SMARCA2: variants seen among roughly 807,000 people sequenced by gnomAD.
SMARCA2 encodes SWI/SNF related BAF chromatin remodeling complex subunit ATPase 2.
A neutral mutation model predicts 199.8 loss-of-function variants in SMARCA2; 61 were observed. The observed-to-expected ratio is 0.31, with a 90% CI of 0.25 to 0.38. The LOEUF is 0.38. Ranked by LOEUF, SMARCA2 falls within the 10% of genes least tolerant of loss-of-function variation. The pLI is 1.00. For missense variants in SMARCA2, 1,344 were observed against 2,012.2 expected, an observed-to-expected ratio of 0.67 and a Z score of 6.35; for synonymous variants, 935 against 732.0, an observed-to-expected ratio of 1.28 and a Z score of -4.48.
intron 15 of SMARCA2, 122 bp downstream of exon 15, chr9:2,082,117 A>C (rs1326434523): frequency 1.1e-5 from 9 of 796,296 alleles, no homozygotes; most frequent in Non-Finnish European, 1.8e-5. Flanking sequence ...AATCCAGATT[A>C]CCAAGAGCAT....
intron 15 of SMARCA2, among the ~76,000 whole-genome samples, chr9:2,082,252 C>G (rs1358893565): frequency 6.6e-6 from 1 of 151,560 alleles, no homozygotes; most frequent in Non-Finnish European, 1.5e-5. Flanking sequence ...AGCCTGAACA[C>G]TGCATAGTGA....
intron 29 of SMARCA2, among the ~76,000 whole-genome samples, chr9:2,173,597 C>T (rs534583754): frequency 5.3e-5 from 8 of 152,262 alleles, no homozygotes; most frequent in African/African-American, 7.2e-5. Flanking sequence ...GACAGTTTAT[C>T]GTGTAGAGTA....
In SMARCA2 at chr9:2,152,188, G is replaced by C. The variant is rs77561480; in HGVS notation, c.3982-9498G>C. Among the ~76,000 whole-genome samples the C allele has an allele frequency of 8.6e-3, 1,304 of 152,310 alleles. 4 individuals carry two copies. Among genetic ancestry groups the C allele is most frequent in the Non-Finnish European group, 0.013 (855 of 68,028 alleles). On this transcript the variant is annotated intron_variant, in intron 27 of 33. Transcript: ENST00000349721. ...ACCCCGAATCCCAAGATGGAGGCAGGTTTATGATGATCCTGGAATATTTCA... is the reference window on the plus strand; with the variant it reads ...ACCCCGAATCCCAAGATGGAGGCAGCTTTATGATGATCCTGGAATATTTCA...
intron 27 of SMARCA2, among the ~76,000 whole-genome samples, chr9:2,154,802 T>C (rs1430509054): frequency 6.6e-6 from 1 of 152,242 alleles, no homozygotes; most frequent in African/African-American, 2.4e-5. Context: ...ACTATATTAG[T>C]TTGTTACCCT....
chr9:2,148,683 A>T (rs1330897023), intron 27 of SMARCA2, among the ~76,000 whole-genome samples: 7 of 150,992 alleles, frequency 4.6e-5, no homozygotes, highest in Admixed American at 2.0e-4. Context: ...TAATTTTTTT[A>T]TTTTTTGTAG....
chr9:2,151,152 A>C (rs1472881936), intron 27 of SMARCA2, among the ~76,000 whole-genome samples: 6 of 151,438 alleles, frequency 4.0e-5, no homozygotes, highest in African/African-American at 1.5e-4. Context: ...TCAATAACTA[A>C]TCATATCACT....
At position 2,119,486 on chromosome 9, in the gene SMARCA2, C is replaced by T. The variant is rs773172570; in HGVS notation, c.3713C>T (p.Thr1238Ile). Residue 1238 changes from threonine (T) to isoleucine (I), a missense_variant, in exon 26 of 34, where the codon ACT becomes ATT. Physicochemically the swap from Thr to Ile is moderately conservative, Grantham distance 89. Coordinates refer to ENST00000349721, the MANE Select transcript of SMARCA2 (RefSeq NM_003070.5). This position sits in a 1 kb window ranked among gnomAD's most constrained non-coding sequence, Gnocchi z 4.6. ...EEEDEVPDDE[T>I]LNQMIARREE... ...GAAGATGAAGTACCGGACGATGAGA[C>T]TCTGAACCAAATGATTGCTCGACGA... The T allele has an allele frequency of 2.5e-6, 4 of 1,613,442 alleles. No homozygotes were observed. The highest frequency in any genetic ancestry group is 3.4e-6 in the Non-Finnish European group (4 of 1,179,500).
Position 2,081,891 on chromosome 9 carries a change from C to T in SMARCA2, c.2244C>T (p.Ala748=), listed in dbSNP as rs140551438. The T allele has an allele frequency of 5.3e-5, 85 of 1,613,944 alleles. 1 individual carries two copies. The highest frequency in any genetic ancestry group is 5.0e-4 in the Middle Eastern group (3 of 6,060). The part of the protein sequence containing the change: ...LYNNNLNGIL[A]DEMGLGKTIQ... ...ATAACAACTTGAACGGAATCTTAGC[C>T]GATGAAATGGGGCTTGGAAAGACCA... The change falls in exon 15 of 34, where the codon GCC becomes GCT. Residue 748 remains alanine, a synonymous_variant. Transcript: ENST00000349721.
rs78895055 is a variant in SMARCA2, at chr9:2,139,420, G to A, written c.3981+15483G>A. On this transcript the variant is annotated intron_variant, in intron 27 of 33. Coordinates refer to ENST00000349721, the MANE Select transcript of SMARCA2 (RefSeq NM_003070.5). Reference sequence around the variant, plus strand: ...CATGTGCTAAGTTAGCCTCTGGGTTGGGGAGCCACAAGACTGGTCGAGTCA... The same window carrying A: ...CATGTGCTAAGTTAGCCTCTGGGTTAGGGAGCCACAAGACTGGTCGAGTCA... Among the ~76,000 whole-genome samples, 3 of 152,318 alleles carry A rather than the reference G, an allele frequency of 2.0e-5. No individual in the cohort carries two copies. The East Asian group carries it at 5.8e-4, about 29-fold the overall frequency.
chr9:2,142,708 G>C lies in SMARCA2; in HGVS notation c.3981+18771G>C, dbSNP rs138421697. On this transcript the variant is annotated intron_variant, in intron 27 of 33. Coordinates refer to ENST00000349721, the MANE Select transcript of SMARCA2 (RefSeq NM_003070.5). Reference sequence around the variant, plus strand: ...AAGGCAGTTTAAAGAGGTGAGGCTGGAGTAGGGCAAACTGAGAACAAAGAT... The same window carrying C: ...AAGGCAGTTTAAAGAGGTGAGGCTGCAGTAGGGCAAACTGAGAACAAAGAT... 6.4e-3 allele frequency among the ~76,000 whole-genome samples: 979 copies of C among 152,298 alleles called. 7 individuals carry two copies. The highest frequency in any genetic ancestry group is 0.022 in the African/African-American group (930 of 41,560).
At chr9:2,018,876 T>G (rs72687569) in intron 1 of SMARCA2, among the ~76,000 whole-genome samples, 1 of 152,182 alleles carries the variant, frequency 6.6e-6, no homozygotes, top group African/African-American at 2.4e-5. Flanking sequence ...TTGGCCAGCA[T>G]TGGAGTTTTA....
intron 19 of SMARCA2, among the ~76,000 whole-genome samples, chr9:2,091,386 G>C (rs1164924285): frequency 1.3e-5 from 2 of 151,996 alleles, no homozygotes. Context: ...CCTTTTGCAT[G>C]GTTTTTTTTA....
intron 27 of SMARCA2, among the ~76,000 whole-genome samples, chr9:2,149,958 G>A (rs79319269): frequency 0.02 from 3,000 of 151,434 alleles, 135 homozygotes; most frequent in African/African-American, 0.067. Context: ...TTTCAAGTTG[G>A]CTTCTCAAAT....
intron 27 of SMARCA2, among the ~76,000 whole-genome samples, chr9:2,126,647 A>C (rs12337196): frequency 0.011 from 1,740 of 152,382 alleles, 24 homozygotes; most frequent in African/African-American, 0.032. Context: ...ATGCTGTAAC[A>C]GGGCTAAAAT....
At chr9:2,080,565 C>A (rs1821524388) in intron 14 of SMARCA2, among the ~76,000 whole-genome samples, 1 of 152,178 alleles carries the variant, frequency 6.6e-6, no homozygotes, top group South Asian at 2.1e-4. Context: ...CTCCTGTCTA[C>A]CACTGTTTGT....
chr9:2,185,321 TAAC>T (rs1827360941), intron 31 of SMARCA2, among the ~76,000 whole-genome samples: 1 of 150,630 alleles, frequency 6.6e-6, no homozygotes, highest in African/African-American at 2.5e-5. Context: ...GGACTTAGCG[TAAC>T]AATCCTCCAG....
intron 27 of SMARCA2, among the ~76,000 whole-genome samples, 188 bp downstream of exon 27, chr9:2,124,125 T>A (rs563794729): frequency 6.6e-6 from 1 of 152,182 alleles, no homozygotes; most frequent in Non-Finnish European, 1.5e-5. Context: ...CATGAAAAGA[T>A]AAAGGCGTTC....
At chr9:2,177,328 C>G (rs1049924746) in intron 29 of SMARCA2, among the ~76,000 whole-genome samples, 9 of 152,162 alleles carry the variant, frequency 5.9e-5, no homozygotes, top group African/African-American at 1.9e-4. Flanking sequence ...ACATCATTTT[C>G]TAATTGAAGT....
intron 12 of SMARCA2, among the ~76,000 whole-genome samples, chr9:2,074,664 C>A (rs573524589): frequency 1.3e-5 from 2 of 152,250 alleles, no homozygotes; most frequent in East Asian, 3.9e-4. Flanking sequence ...TCCAGGAGTT[C>A]GAGACCAGCC....
Sources: allele counts gnomAD v4.1 joint callset (sites outside exome capture counted in the v4.1 genomes callset), GRCh38; gene constraint gnomAD v4.1.1; non-coding constraint Gnocchi (gnomAD v3.1); transcripts MANE v1.5; gene names NCBI Gene and HGNC (gene_info 2026-07-23, HGNC 2026-07-21).